Variants in ECI1 observed in about 807,000 individuals in gnomAD.
The protein encoded by ECI1 is enoyl-CoA delta isomerase 1, mitochondrial.
A neutral mutation model predicts 34.2 loss-of-function variants in ECI1; 34 were observed. The ratio of observed to expected loss-of-function variants is 1.00; its 90% CI spans 0.76 to 1.33. ECI1 has a LOEUF of 1.33. Ranked by LOEUF, ECI1 falls within the 40% of genes most tolerant of loss-of-function variation. ECI1 has a pLI of 0.00. For synonymous variants in ECI1, 211 were observed against 193.0 expected (o/e 1.09, Z -0.77); for missense variants, 456 against 422.2 (o/e 1.08, Z -0.70).
intron 3 of ECI1, among the ~76,000 whole-genome samples, chr16:2,244,806 C>T (rs567335335): frequency 1.8e-4 from 28 of 152,320 alleles, no homozygotes; most frequent in South Asian, 6.2e-4. Context: ...GGACAGGCAG[C>T]GCCAGGCACC....
Position 2,240,082 on chromosome 16 carries a change from T to C in ECI1, c.806A>G (p.Gln269Arg). The part of the protein sequence containing the change: ...RKATASRLVT[Q>R]RDADVQNFVS... ...GAAGTTCTGCACGTCCGCATCGCGC[T>C]GCGTGACCAGGCGGCTGGCCGTGGC... is the stretch of plus-strand genomic sequence containing the variant. The change falls in exon 7 of 7, where the codon CAG becomes CGG. Residue 269 changes from glutamine (Q) to arginine (R), a missense_variant. Transcript: ENST00000301729. 2 of 1,614,016 alleles carry C rather than the reference T, an allele frequency of 1.2e-6. No individual in the cohort carries two copies. The highest frequency in any genetic ancestry group is 2.2e-5 in the East Asian group (1 of 44,884).
intron 4 of ECI1, among the ~76,000 whole-genome samples, chr16:2,243,814 G>A (rs909933330): frequency 4.6e-5 from 7 of 152,164 alleles, no homozygotes; most frequent in African/African-American, 1.4e-4. Flanking sequence ...AGGGGGCCCC[G>A]ATACCACCCC....
intron 3 of ECI1, 132 bp downstream of exon 3, chr16:2,246,727 G>C (rs1345505936): frequency 1.4e-6 from 2 of 1,411,834 alleles, no homozygotes; most frequent in East Asian, 2.3e-5. Flanking sequence ...AGTCCAGGGT[G>C]GTGGGGCTGC....
intron 6 of ECI1, among the ~76,000 whole-genome samples, 171 bp from the exon 7 acceptor site, chr16:2,240,316 A>G (rs1182377200): frequency 6.7e-6 from 1 of 150,148 alleles, no homozygotes; most frequent in Non-Finnish European, 1.5e-5. Flanking sequence ...AGTTCAAGTG[A>G]TTCTCCTGCC....
Position 2,244,827 on chromosome 16 carries a change from A to C in ECI1, c.295-275T>G, listed in dbSNP as rs1030900181. ...GCAGCGCCAGGCACCTCTCAGGGAC[A>C]TAAGTGCGCCGGCCCTCTGGCTCTG... On this transcript the variant is annotated intron_variant, in intron 3 of 6. Coordinates refer to ENST00000301729, the MANE Select transcript of ECI1 (RefSeq NM_001919.4). Among the ~76,000 whole-genome samples, 12 of 152,328 alleles carry C rather than the reference A, an allele frequency of 7.9e-5. 1 individual carries two copies. The highest frequency in any genetic ancestry group is 2.9e-4 in the African/African-American group (12 of 41,582).
At chr16:2,245,543 G>A (rs1156992002) in intron 3 of ECI1, among the ~76,000 whole-genome samples, 1 of 152,182 alleles carries the variant, frequency 6.6e-6, no homozygotes, top group Non-Finnish European at 1.5e-5. Flanking sequence ...CCGGTCCTTT[G>A]TTTCTACAAA....
At chr16:2,244,582 T>G in intron 3 of ECI1, 30 bp from the exon 4 acceptor site, 1 of 1,563,238 alleles carries the variant, frequency 6.4e-7, no homozygotes, top group Non-Finnish European at 8.7e-7. Flanking sequence ...CACATGCCCA[T>G]CAGAGTCCAC....
At chr16:2,248,345 C>A (rs1038393957) in intron 2 of ECI1, among the ~76,000 whole-genome samples, 16 of 151,918 alleles carry the variant, frequency 1.1e-4, no homozygotes, top group African/African-American at 3.6e-4. Context: ...GTGAACACCT[C>A]GCCTCGGCCT....
chr16:2,243,280 C>G lies in ECI1; in HGVS notation c.563+38G>C. 3.7e-6 allele frequency: 6 copies of G among 1,613,442 alleles called. No homozygotes were observed. In the South Asian group the frequency reaches 4.4e-5, roughly 12 times the overall value. ...GCCCCAGGCGGGTCTGTTCCCTCCACAACAAGCATGGAGCGTGGCTGCAGC... is the reference window on the plus strand; with the variant it reads ...GCCCCAGGCGGGTCTGTTCCCTCCAGAACAAGCATGGAGCGTGGCTGCAGC... On this transcript the variant is annotated intron_variant, in intron 5 of 6. Coordinates refer to ENST00000301729, the MANE Select transcript of ECI1 (RefSeq NM_001919.4).
intron 3 of ECI1, among the ~76,000 whole-genome samples, chr16:2,246,471 C>T (rs2093540536): frequency 6.6e-6 from 1 of 152,176 alleles, no homozygotes; most frequent in Admixed American, 6.5e-5. Context: ...CCAGTGTCCG[C>T]CTGGACGACG....
intron 4 of ECI1, 29 bp downstream of exon 4, chr16:2,244,377 C>A (rs764019052): frequency 1.2e-6 from 2 of 1,608,914 alleles, no homozygotes; most frequent in African/African-American, 1.3e-5. Flanking sequence ...GAACAGCCAG[C>A]GAGGCCACCT....
intron 5 of ECI1, 40 bp from the exon 6 acceptor site, chr16:2,243,264 G>A (rs528342758): frequency 7.4e-6 from 12 of 1,613,048 alleles, no homozygotes; most frequent in Middle Eastern, 1.6e-4. Flanking sequence ...GGCCCCAGGC[G>A]GGTCTGTTCC....
At chr16:2,250,978 A>T (rs1414106591) in intron 2 of ECI1, among the ~76,000 whole-genome samples, 1 of 151,594 alleles carries the variant, frequency 6.6e-6, no homozygotes, top group Non-Finnish European at 1.5e-5. Context: ...CGCCCAGCTA[A>T]TTTTTTTCTT....
At chr16:2,246,325 T>C (rs916031396) in intron 3 of ECI1, among the ~76,000 whole-genome samples, 4 of 152,186 alleles carry the variant, frequency 2.6e-5, no homozygotes, top group Non-Finnish European at 5.9e-5. Context: ...GCATGGGTAT[T>C]GTTCGCAGGA....
At chr16:2,243,787 A>G (rs376471196) in intron 4 of ECI1, among the ~76,000 whole-genome samples, 5 of 152,238 alleles carry the variant, frequency 3.3e-5, no homozygotes, top group Non-Finnish European at 5.9e-5. Flanking sequence ...GCATTTAGTC[A>G]TAACTGTCAT....
rs927433603 is a variant in ECI1, at chr16:2,251,310, G to A, written c.166+6C>T. 8.4e-7 allele frequency: 1 copy of A among 1,193,464 alleles called. No individual in the cohort carries two copies. Among genetic ancestry groups the A allele is most frequent in the African/African-American group, 1.6e-5 (1 of 62,130 alleles). The allele number at this position is 1,193,464 out of a possible 1,614,324, so 73.9% of individuals were successfully genotyped here. A position where few individuals can be genotyped will look rare whatever the true frequency, so the allele number is the denominator to read the frequency against. On this transcript the variant is annotated splice_donor_region_variant and intron_variant, in intron 2 of 6. Coordinates refer to ENST00000301729, the MANE Select transcript of ECI1 (RefSeq NM_001919.4). The stretch of plus-strand genomic sequence containing the variant: ...CGCCCGCCCTCCCTCGGCGCCGCCC[G>A]CTCACCTGCGCCCGCGTCCGGCTCC...
At position 2,243,508 on chromosome 16, in the gene ECI1, CAAGG is replaced by C; in HGVS notation, c.442-73_442-70del. 4 of 1,591,884 alleles carry C rather than the reference CAAGG, an allele frequency of 2.5e-6. No homozygotes were observed. The South Asian group carries it at 4.4e-5, about 18-fold the overall frequency. Reference sequence around the variant, plus strand: ...CAACCACATTCCAGAGGGCCAGGTCCAAGGAAGGAGGGCCTGTGCCCTTGGCGCA... The same window carrying C: ...CAACCACATTCCAGAGGGCCAGGTCCAAGGAGGGCCTGTGCCCTTGGCGCA... On this transcript the variant is annotated intron_variant, in intron 4 of 6. Coordinates refer to ENST00000301729, the MANE Select transcript of ECI1 (RefSeq NM_001919.4).
In ECI1 at chr16:2,239,609, C is replaced by T; in HGVS notation, c.*370G>A. 4 of 353,792 alleles carry T rather than the reference C, an allele frequency of 1.1e-5. No homozygotes were observed. Among genetic ancestry groups the T allele is most frequent in the South Asian group, 9.0e-5 (4 of 44,218 alleles). The allele number at this position is 353,792 out of a possible 1,614,324, so 21.9% of individuals were successfully genotyped here. ...TGTGGGTCATGGGGGCCAAGACCACCTGGCCTTACACCTAAGAGCAGGCAG... is the reference window on the plus strand; with the variant it reads ...TGTGGGTCATGGGGGCCAAGACCACTTGGCCTTACACCTAAGAGCAGGCAG... On this transcript the variant is annotated 3_prime_UTR_variant, in exon 7 of 7. Coordinates refer to ENST00000301729, the MANE Select transcript of ECI1 (RefSeq NM_001919.4).
chr16:2,251,327 T>C lies in ECI1; in HGVS notation c.155A>G (p.Asp52Gly). 8.1e-7 allele frequency: 1 copy of C among 1,229,524 alleles called. No individual in the cohort carries two copies. Among genetic ancestry groups the C allele is most frequent in the East Asian group, 3.7e-5 (1 of 26,944 alleles). 76.2% of individuals were successfully genotyped at this position (1,229,524 alleles called of 1,614,324 possible). Residue 52 changes from aspartate (D) to glycine (G), a missense_variant, in exon 2 of 7, where the codon GAC becomes GGC. Asp to Gly is a moderately conservative substitution (Grantham distance 94, BLOSUM62 -1). Transcript: ENST00000301729. ...CGCCGCCCGCTCACCTGCGCCCGCG[T>C]CCGGCTCCACCAGCACCCGCTGGCT... ...FGSQRVLVEPDAGAGVAVMKF... is the reference protein window; with the variant it reads ...FGSQRVLVEPGAGAGVAVMKF...
Sources: gnomAD v4.1 joint callset for allele counts (sites outside exome capture counted in the v4.1 genomes callset) on GRCh38, gnomAD v4.1.1 for gene constraint, MANE v1.5 for transcripts, NCBI Gene and HGNC (gene_info 2026-07-23, HGNC 2026-07-21) for gene names.